Variants in TET1 observed in about 807,000 individuals in gnomAD.
The protein encoded by TET1 is methylcytosine dioxygenase TET1.
Under a neutral mutation model 148.7 loss-of-function variants are expected in TET1, and 13 were observed. The observed-to-expected ratio is 0.09, with a 90% CI of 0.06 to 0.14. The LOEUF is 0.14. TET1 is among the 10% of genes least tolerant of loss of function. TET1 has a pLI of 1.00. For synonymous variants in TET1, 907 were observed against 937.2 expected, an observed-to-expected ratio of 0.97 and a Z score of 0.59; for missense variants, 2,182 against 2,553.8, an observed-to-expected ratio of 0.85 and a Z score of 3.14.
At chr10:68,618,966 CTT>C (rs941264647) in intron 3 of TET1, among the ~76,000 whole-genome samples, 1 of 151,990 alleles carries the variant, frequency 6.6e-6, no homozygotes, top group African/African-American at 2.4e-5. Context: ...GACCCTGTCT[CTT>C]AAAAAGCAAA....
Position 68,572,619 on chromosome 10 carries a change from C to G in TET1, c.281C>G (p.Pro94Arg). 6.2e-7 allele frequency: 1 copy of G among 1,614,138 alleles called. No homozygotes were observed. Among genetic ancestry groups the G allele is most frequent in the South Asian group, 1.1e-5 (1 of 91,086 alleles). Residue 94 changes from proline (P) to arginine (R), a missense_variant, in exon 2 of 12, where the codon CCA (proline) becomes CGA (arginine). Physicochemically the swap from Pro to Arg is moderately radical, Grantham distance 103 (BLOSUM62 -2). Around this residue, in one of 11 missense-constraint regions of TET1, gnomAD observed 665 missense variants for 672.4 expected, o/e 0.99. Coordinates refer to ENST00000373644, the MANE Select transcript of TET1 (RefSeq NM_030625.3). ...AGGACTGAGGTTCTTTTTCAGAACC[C>G]AGAGTCCTTAACCTGCAATGGGTTT... is the stretch of plus-strand genomic sequence containing the variant. ...LDRTEVLFQN[P>R]ESLTCNGFTM... is the part of the protein sequence containing the mutation.
intron 2 of TET1, among the ~76,000 whole-genome samples, chr10:68,579,414 A>G (rs1399231949): frequency 6.6e-6 from 1 of 152,170 alleles, no homozygotes. Context: ...TTTCTTGGCC[A>G]CTGCTATATT....
chr10:68,618,804 A>G (rs2054330468), intron 3 of TET1, among the ~76,000 whole-genome samples: 1 of 152,166 alleles, frequency 6.6e-6, no homozygotes, highest in Admixed American at 6.6e-5. Context: ...AATCAGTATG[A>G]TTTAAAAGGA....
Position 68,644,974 on chromosome 10 carries a change from C to T in TET1, c.2245C>T (p.Pro749Ser). The stretch of plus-strand genomic sequence containing the variant: ...AGTTGACAAGAAACGAACCAAATCT[C>T]CAAAATTGTTTGTACAAACCGTAAG... ...SEVDKKRTKS[P>S]KLFVQTVRNG... Residue 749 changes from proline to serine, a missense_variant, in exon 4 of 12, where the codon CCA (proline) becomes TCA (serine). By Grantham distance (74) the Pro-to-Ser change is moderately conservative. Coordinates refer to ENST00000373644, the MANE Select transcript of TET1 (RefSeq NM_030625.3). 1 of 1,613,520 alleles carries T rather than the reference C, an allele frequency of 6.2e-7. No homozygotes were observed. The highest frequency in any genetic ancestry group is 8.5e-7 in the Non-Finnish European group (1 of 1,179,744).
intron 7 of TET1, among the ~76,000 whole-genome samples, chr10:68,670,619 T>C (rs1391068335): frequency 6.6e-6 from 1 of 152,212 alleles, no homozygotes; most frequent in Non-Finnish European, 1.5e-5. Context: ...TAATAGTACA[T>C]AGTAAGTTAA....
chr10:68,571,470 A>AT (rs34243741), intron 1 of TET1, among the ~76,000 whole-genome samples: 10,755 of 136,112 alleles, frequency 0.079, 622 homozygotes, highest in South Asian at 0.21. Flanking sequence ...CACTCAGCTA[A>AT]TTTTTTTTTT....
intron 3 of TET1, among the ~76,000 whole-genome samples, chr10:68,624,636 CTTTCTTTCTTTCTTTCTT>C (rs1358067483): frequency 3.8e-4 from 17 of 45,252 alleles, no homozygotes; most frequent in East Asian, 2.1e-3. Context: ...TTCTTTCTTT[CTTTCTTTCTTTCTTTCTT>C]TCTTTCTCTC....
Position 68,691,073 on chromosome 10 carries a change from T to C in TET1, c.5670T>C (p.Gly1890=). 6.2e-7 allele frequency: 1 copy of C among 1,614,208 alleles called. No homozygotes were observed. Among genetic ancestry groups the C allele is most frequent in the South Asian group, 1.1e-5 (1 of 91,088 alleles). ...CGATGCCTTCGGGAAGACTCAGTGG[T>C]GCCAATGCAGCTGCTGCTGATGGCC... ...HCTMPSGRLS[G]ANAAAADGPG... is the part of the protein sequence containing the mutation. The change falls in exon 12 of 12, where the codon GGT becomes GGC. Residue 1890 remains glycine (G), a synonymous_variant. Coordinates refer to ENST00000373644, the MANE Select transcript of TET1 (RefSeq NM_030625.3). This position sits in a 1 kb window ranked among gnomAD's most constrained non-coding sequence, Gnocchi z 4.4.
chr10:68,591,292 T>C (rs1244814240), intron 2 of TET1, among the ~76,000 whole-genome samples: 3 of 152,246 alleles, frequency 2.0e-5, no homozygotes, highest in African/African-American at 4.8e-5. Flanking sequence ...CTTTTTATTT[T>C]TTGGTTCCTC....
At position 68,684,607 on chromosome 10, in the gene TET1, C is replaced by T. The variant is rs560153425; in HGVS notation, c.5052+1634C>T. Among the ~76,000 whole-genome samples the T allele has an allele frequency of 1.5e-3, 229 of 152,134 alleles. 1 individual carries two copies. Among genetic ancestry groups the T allele is most frequent in the African/African-American group, 5.3e-3 (218 of 41,504 alleles). Reference sequence around the variant, plus strand: ...GCTAAGTTTCAGTTTCTCTTCTCTGCGCTCTTTGACTTCCAGGGCCCGGAT... The same window carrying T: ...GCTAAGTTTCAGTTTCTCTTCTCTGTGCTCTTTGACTTCCAGGGCCCGGAT... On this transcript the variant is annotated intron_variant, in intron 10 of 11. Transcript: ENST00000373644.
At chr10:68,628,732 A>T (rs17461353) in intron 3 of TET1, among the ~76,000 whole-genome samples, 1,588 of 152,342 alleles carry the variant, frequency 0.01, 19 homozygotes, top group Middle Eastern at 0.071. Context: ...TAACAAGGGC[A>T]TTCTAGGACT....
At chr10:68,587,464 CA>C (rs1353563561) in intron 2 of TET1, among the ~76,000 whole-genome samples, 1 of 152,152 alleles carries the variant, frequency 6.6e-6, no homozygotes, top group East Asian at 1.9e-4. Flanking sequence ...GTCTACTGGG[CA>C]ACACAGAAGT....
chr10:68,666,785 T>TA (rs2055200838), intron 6 of TET1, among the ~76,000 whole-genome samples: 1 of 152,112 alleles, frequency 6.6e-6, no homozygotes. Flanking sequence ...GTAGTAACTT[T>TA]AAAAAAACTA....
At chr10:68,679,467 A>C (rs1212648997) in intron 8 of TET1, among the ~76,000 whole-genome samples, 1 of 152,248 alleles carries the variant, frequency 6.6e-6, no homozygotes, top group Non-Finnish European at 1.5e-5. Context: ...TCATATCAAT[A>C]GCAGTACACA....
intron 3 of TET1, among the ~76,000 whole-genome samples, chr10:68,640,425 A>G (rs894673086): frequency 6.8e-6 from 1 of 146,410 alleles, no homozygotes; most frequent in Non-Finnish European, 1.5e-5. Flanking sequence ...CACCGTGTCC[A>G]GCTAATTTTT....
chr10:68,666,750 C>T (rs1026519476), intron 6 of TET1, among the ~76,000 whole-genome samples: 2 of 151,966 alleles, frequency 1.3e-5, no homozygotes, highest in Non-Finnish European at 2.9e-5. Flanking sequence ...AGTGGAAAGT[C>T]CTACAGGGTT....
At chr10:68,605,652 A>G (rs1442696560) in intron 3 of TET1, among the ~76,000 whole-genome samples, 1 of 152,130 alleles carries the variant, frequency 6.6e-6, no homozygotes, top group Non-Finnish European at 1.5e-5. Context: ...AACTGGGATT[A>G]CACACATGTG....
At chr10:68,580,413 G>A (rs4562695) in intron 2 of TET1, among the ~76,000 whole-genome samples, 22,030 of 139,466 alleles carry the variant, frequency 0.16, 1,845 homozygotes, top group South Asian at 0.26. Flanking sequence ...CCTGACCTCC[G>A]GGCTCAAGTC....
At chr10:68,677,199 G>A (rs2055373559) in intron 8 of TET1, among the ~76,000 whole-genome samples, 1 of 152,200 alleles carries the variant, frequency 6.6e-6, no homozygotes, top group South Asian at 2.1e-4. Context: ...GGCTCCACCA[G>A]AGAGTCCTTC....
Sources: gnomAD v4.1 joint callset for allele counts (sites outside exome capture counted in the v4.1 genomes callset) on GRCh38, gnomAD v4.1.1 for gene constraint, gnomAD v4.1.1 regional missense constraint, Gnocchi (gnomAD v3.1) non-coding constraint, MANE v1.5 for transcripts, NCBI Gene and HGNC (gene_info 2026-07-23, HGNC 2026-07-21) for gene names.